The following UQCC6 variants were observed in gnomAD, a reference collection of about 807,000 sequenced individuals.
UQCC6 encodes the protein protein BRAWNIN.
chr12:103,956,241 G>T, the UQCC6 span: 3,340 of 171,338 alleles, frequency 0.019, 127 homozygotes, highest in East Asian at 0.13. Context: ...GTGGGGGGAG[G>T]AGGACATGCC....
chr12:103,964,552 C>T, the UQCC6 span, among the ~76,000 whole-genome samples: 8 of 152,172 alleles, frequency 5.3e-5, no homozygotes, highest in Non-Finnish European at 1.0e-4. Context: ...GGTAATTCCC[C>T]GAGTGCAGAC....
chr12:103,964,172 A>G, the UQCC6 span, among the ~76,000 whole-genome samples: 6 of 83,298 alleles, frequency 7.2e-5, no homozygotes, highest in Non-Finnish European at 1.1e-4. Context: ...TTTTTTTTTG[A>G]GACGGAGTCT....
chr12:103,951,541 T>C, the UQCC6 span: 1 of 1,537,074 alleles, frequency 6.5e-7, no homozygotes, highest in Non-Finnish European at 8.8e-7. Flanking sequence ...GTTCCTCCTG[T>C]TGAGAAACTT....
the UQCC6 span, chr12:103,955,836 G>A: frequency 2.2e-6 from 1 of 455,042 alleles, no homozygotes; most frequent in South Asian, 1.6e-5. Flanking sequence ...ACCTCCCCAA[G>A]ACTCTAATTC....
the UQCC6 span, among the ~76,000 whole-genome samples, chr12:103,952,780 T>C: frequency 6.6e-6 from 1 of 152,220 alleles, no homozygotes; most frequent in Non-Finnish European, 1.5e-5. Context: ...GCTGAGCATC[T>C]TTCTGTGTGC....
chr12:103,964,715 C>T, the UQCC6 span, among the ~76,000 whole-genome samples: 38 of 152,340 alleles, frequency 2.5e-4, no homozygotes, highest in African/African-American at 8.4e-4. Context: ...GACGATGGTC[C>T]TGAGCCATTG....
chr12:103,956,122 G>A, the UQCC6 span, among the ~76,000 whole-genome samples: 2 of 151,952 alleles, frequency 1.3e-5, no homozygotes, highest in African/African-American at 4.8e-5. Context: ...GAATCGCAGA[G>A]GAGGAATTCT....
chr12:103,960,938 C>A, the UQCC6 span, among the ~76,000 whole-genome samples: 1 of 151,334 alleles, frequency 6.6e-6, no homozygotes, highest in East Asian at 1.9e-4. Context: ...CAGTATACTC[C>A]TTTTATTCTT....
the UQCC6 span, chr12:103,951,674 A>T: frequency 9.1e-7 from 1 of 1,103,454 alleles, no homozygotes; most frequent in Non-Finnish European, 1.3e-6. Context: ...CTAACCCTTA[A>T]TAAGGCTGTA....
chr12:103,961,004 A>G, the UQCC6 span, among the ~76,000 whole-genome samples: 4 of 152,160 alleles, frequency 2.6e-5, no homozygotes. Context: ...ATCCTTCACA[A>G]GGTACTCCAG....
the UQCC6 span, chr12:103,965,666 C>G: frequency 3.9e-6 from 1 of 256,064 alleles, no homozygotes; most frequent in Non-Finnish European, 7.4e-6. Flanking sequence ...ATACTGGAGA[C>G]AAAAGCTGAC....
the UQCC6 span, among the ~76,000 whole-genome samples, chr12:103,952,204 C>T: frequency 4.6e-5 from 7 of 152,172 alleles, no homozygotes; most frequent in East Asian, 1.9e-4. Flanking sequence ...CAACCCTCCC[C>T]CACATAGCCA....
the UQCC6 span, among the ~76,000 whole-genome samples, chr12:103,952,850 C>G: frequency 1.3e-5 from 2 of 152,130 alleles, no homozygotes. Flanking sequence ...AGGGAGGCAG[C>G]CATGCAGTTA....
At chr12:103,960,645 C>T in the UQCC6 span, among the ~76,000 whole-genome samples, 2 of 152,126 alleles carry the variant, frequency 1.3e-5, no homozygotes, top group Non-Finnish European at 2.9e-5. Context: ...AAATGGGTCA[C>T]AGACATTCAT....
chr12:103,951,113 A>G, the UQCC6 span: 1 of 153,318 alleles, frequency 6.5e-6, no homozygotes, highest in Non-Finnish European at 1.5e-5. Flanking sequence ...TTCATTTACT[A>G]AAGTTAGCAG....
At chr12:103,962,275 A>G in the UQCC6 span, among the ~76,000 whole-genome samples, 37 of 152,210 alleles carry the variant, frequency 2.4e-4, no homozygotes, top group African/African-American at 8.4e-4. Context: ...ATTGCTTTTC[A>G]TTAATTTTTT....
chr12:103,957,976 T>C, the UQCC6 span, among the ~76,000 whole-genome samples: 5 of 144,818 alleles, frequency 3.5e-5, no homozygotes, highest in African/African-American at 1.3e-4. Flanking sequence ...TATATATTTT[T>C]AATATATATT....
the UQCC6 span, among the ~76,000 whole-genome samples, chr12:103,957,500 G>A: frequency 2.1e-4 from 32 of 152,086 alleles, no homozygotes; most frequent in Non-Finnish European, 4.4e-4. Context: ...TAGGAGGGGT[G>A]GAGTCACACA....
At chr12:103,953,293 G>A in the UQCC6 span, 6 of 698,086 alleles carry the variant, frequency 8.6e-6, no homozygotes, top group African/African-American at 1.0e-4. Context: ...AATCCAATGG[G>A]ATCTGCTCAT....
Sources: gnomAD v4.1 joint callset for allele counts (sites outside exome capture counted in the v4.1 genomes callset) on GRCh38, gnomAD v4.1.1 for gene constraint, MANE v1.5 for transcripts, NCBI Gene and HGNC (gene_info 2026-07-23, HGNC 2026-07-21) for gene names.